DGKB: variants seen among roughly 807,000 people sequenced by gnomAD.
DGKB encodes the protein diacylglycerol kinase beta.
In DGKB, 67 loss-of-function variants were observed where a neutral mutation model predicts 114.3. The ratio of observed to expected loss-of-function variants is 0.59; its 90% CI spans 0.48 to 0.72. The LOEUF (loss-of-function observed/expected upper bound fraction) is 0.72. Among genes scored for constraint, DGKB ranks in the 30% least tolerant of loss-of-function variants. DGKB has a pLI of 0.00. For synonymous variants in DGKB, 398 were observed against 323.1 expected, an observed-to-expected ratio of 1.23 and a Z score of -2.49; for missense variants, 907 against 975.2, an observed-to-expected ratio of 0.93 and a Z score of 0.93.
intron 21 of DGKB, among the ~76,000 whole-genome samples, chr7:14,475,490 A>G (rs1039437414): frequency 6.6e-6 from 1 of 152,158 alleles, no homozygotes; most frequent in African/African-American, 2.4e-5. Flanking sequence ...TGCCTAATTG[A>G]CGTGGTAATA....
intron 16 of DGKB, 62 bp from the exon 17 acceptor site, chr7:14,607,570 T>C (rs933067315): frequency 4.7e-6 from 3 of 640,338 alleles, no homozygotes; most frequent in Admixed American, 5.3e-5. Flanking sequence ...AAATAAGTAA[T>C]GTCTCTCAGT....
At chr7:14,431,976 T>C (rs968310823) in intron 21 of DGKB, among the ~76,000 whole-genome samples, 5 of 152,148 alleles carry the variant, frequency 3.3e-5, no homozygotes, top group Middle Eastern at 3.2e-3. Flanking sequence ...TGACATTTGT[T>C]AGCTGTGAAA....
intron 21 of DGKB, among the ~76,000 whole-genome samples, chr7:14,454,930 A>G (rs1477373371): frequency 6.6e-6 from 1 of 152,112 alleles, no homozygotes; most frequent in Non-Finnish European, 1.5e-5. Context: ...AATGGATGCT[A>G]CTAAATTCTA....
At chr7:14,379,706 C>T (rs1819089128) in intron 21 of DGKB, among the ~76,000 whole-genome samples, 7 of 152,188 alleles carry the variant, frequency 4.6e-5, no homozygotes, top group Middle Eastern at 3.4e-3. Flanking sequence ...ATTACAGGCA[C>T]GTGCCACCAC....
intron 21 of DGKB, among the ~76,000 whole-genome samples, chr7:14,386,760 G>C (rs1003805310): frequency 2.6e-5 from 4 of 152,078 alleles, no homozygotes; most frequent in African/African-American, 7.2e-5. Flanking sequence ...CAGGAGGCTT[G>C]GCCTCTTCTA....
At chr7:14,885,032 T>C (rs1587178433) in intron 1 of DGKB, among the ~76,000 whole-genome samples, 1 of 152,070 alleles carries the variant, frequency 6.6e-6, no homozygotes, top group Admixed American at 6.6e-5. Flanking sequence ...GCTCTTAGAC[T>C]TCCTGGGAGC....
chr7:14,151,118 G>A (rs1054534006), intron 25 of DGKB, among the ~76,000 whole-genome samples: 11 of 152,038 alleles, frequency 7.2e-5, no homozygotes, highest in Non-Finnish European at 1.5e-4. Flanking sequence ...TGGGAAAGCA[G>A]TTATCACATA....
intron 2 of DGKB, among the ~76,000 whole-genome samples, chr7:14,758,161 G>A (rs1439561785): frequency 5.3e-5 from 8 of 151,968 alleles, no homozygotes; most frequent in Non-Finnish European, 1.0e-4. Flanking sequence ...TATGCATTAC[G>A]AATAACATTT....
chr7:14,793,423 T>G (rs541750467), intron 2 of DGKB, among the ~76,000 whole-genome samples: 6 of 152,224 alleles, frequency 3.9e-5, no homozygotes, highest in African/African-American at 1.4e-4. Context: ...ATTGCTCCTT[T>G]CTATTTCCTG....
chr7:14,500,481 T>A (rs1785991758), intron 20 of DGKB, among the ~76,000 whole-genome samples: 1 of 151,734 alleles, frequency 6.6e-6, no homozygotes, highest in South Asian at 2.1e-4. Context: ...TTTATTTTTT[T>A]TTTTGCTATC....
intron 18 of DGKB, among the ~76,000 whole-genome samples, chr7:14,581,672 C>T (rs1799952475): frequency 6.6e-6 from 1 of 152,118 alleles, no homozygotes; most frequent in Non-Finnish European, 1.5e-5. Flanking sequence ...TTATTTGTTT[C>T]TTCCTCCTTA....
intron 22 of DGKB, among the ~76,000 whole-genome samples, chr7:14,343,541 A>C (rs1418694340): frequency 6.6e-6 from 1 of 150,964 alleles, no homozygotes; most frequent in Non-Finnish European, 1.5e-5. Flanking sequence ...TTTTTTTTGT[A>C]CTTTGTGACA....
intron 13 of DGKB, among the ~76,000 whole-genome samples, chr7:14,653,351 T>C (rs2128905417): frequency 1.3e-5 from 2 of 152,238 alleles, no homozygotes; most frequent in Non-Finnish European, 2.9e-5. Flanking sequence ...TCACGTCCTT[T>C]GTAGGGACAT....
chr7:14,215,024 C>T (rs145835449), intron 23 of DGKB, among the ~76,000 whole-genome samples: 1 of 152,212 alleles, frequency 6.6e-6, no homozygotes, highest in Non-Finnish European at 1.5e-5. Context: ...GAAGTTCATG[C>T]TGAAATAGAG....
intron 1 of DGKB, among the ~76,000 whole-genome samples, chr7:14,891,493 C>A (rs1781219104): frequency 6.6e-6 from 1 of 151,350 alleles, no homozygotes; most frequent in Non-Finnish European, 1.5e-5. Flanking sequence ...AGAATGAATA[C>A]TTTAAGCAGC....
chr7:14,556,479 T>C (rs747305578), intron 20 of DGKB, among the ~76,000 whole-genome samples: 1 of 152,152 alleles, frequency 6.6e-6, no homozygotes, highest in Non-Finnish European at 1.5e-5. Context: ...TAAAAATTTG[T>C]TGACTGACAT....
At chr7:14,781,662 C>T (rs930278225) in intron 2 of DGKB, among the ~76,000 whole-genome samples, 1 of 152,114 alleles carries the variant, frequency 6.6e-6, no homozygotes, top group Non-Finnish European at 1.5e-5. Flanking sequence ...GAAATTTGAG[C>T]TTGTCTGTCT....
At chr7:14,929,710 A>T (rs1388251179) in intron 1 of DGKB, among the ~76,000 whole-genome samples, 41 of 152,012 alleles carry the variant, frequency 2.7e-4, no homozygotes, top group Admixed American at 2.7e-3. Flanking sequence ...TGCTGTGTAG[A>T]AGCTGTTTAA....
intron 20 of DGKB, among the ~76,000 whole-genome samples, chr7:14,499,501 G>T (rs896910484): frequency 1.3e-5 from 2 of 151,804 alleles, no homozygotes; most frequent in East Asian, 3.9e-4. Context: ...TCTCCCTTCT[G>T]GCTTAAGTCT....
Sources: allele counts gnomAD v4.1 joint callset (sites outside exome capture counted in the v4.1 genomes callset), GRCh38; gene constraint gnomAD v4.1.1; transcripts MANE v1.5; gene names NCBI Gene and HGNC (gene_info 2026-07-23, HGNC 2026-07-21).